The following AKR1D1 variants were observed in gnomAD, a reference collection of about 807,000 sequenced individuals.
AKR1D1 encodes delta(4)-3-ketosteroid 5-beta-reductase.
A neutral mutation model predicts 42.6 loss-of-function variants in AKR1D1; 32 were observed. That is an observed-to-expected ratio of 0.75 (90% confidence interval 0.57 to 1.01). The LOEUF (loss-of-function observed/expected upper bound fraction) is 1.01, where lower values mean the gene tolerates loss of function less well. AKR1D1 is among the 50% of genes least tolerant of loss of function. The probability of loss-of-function intolerance (pLI) is 0.00; values close to 1 mark genes in which losing one functional copy is unlikely to be tolerated. For synonymous variants in AKR1D1, 123 were observed against 135.5 expected (o/e 0.91, Z 0.64); for missense variants, 364 against 402.2 (o/e 0.91, Z 0.81).
At chr7:138,089,069 G>A (rs1451166487) in intron 2 of AKR1D1, among the ~76,000 whole-genome samples, 1 of 152,028 alleles carries the variant, frequency 6.6e-6, no homozygotes, top group African/African-American at 2.4e-5. Context: ...AATGTATTTG[G>A]CTGGGTGCGG....
At chr7:138,114,234 T>C (rs1264066169) in intron 8 of AKR1D1, among the ~76,000 whole-genome samples, 2 of 152,186 alleles carry the variant, frequency 1.3e-5, no homozygotes, top group South Asian at 2.1e-4. Flanking sequence ...TTTAGACAAA[T>C]ACTTAAGATT....
At chr7:138,116,157 G>A (rs540296246) in intron 8 of AKR1D1, among the ~76,000 whole-genome samples, 37 of 152,226 alleles carry the variant, frequency 2.4e-4, no homozygotes, top group South Asian at 8.3e-4. Context: ...TCCAACCTGA[G>A]TGACAGAGTG....
intron 4 of AKR1D1, among the ~76,000 whole-genome samples, chr7:138,101,531 T>C (rs1268558448): frequency 6.6e-6 from 1 of 152,128 alleles, no homozygotes; most frequent in Non-Finnish European, 1.5e-5. Context: ...AACATAAATC[T>C]CAATAATTCT....
At chr7:138,100,933 T>C (rs918681611) in intron 4 of AKR1D1, among the ~76,000 whole-genome samples, 4 of 152,002 alleles carry the variant, frequency 2.6e-5, no homozygotes, top group African/African-American at 7.3e-5. Context: ...CTTGATCTCC[T>C]GACCTTGTGA....
Position 138,091,655 on chromosome 7 carries a change from C to T in AKR1D1, c.262-113C>T, listed in dbSNP as rs897587188. On this transcript the variant is annotated intron_variant, in intron 2 of 8. Coordinates refer to ENST00000242375, the MANE Select transcript of AKR1D1 (RefSeq NM_005989.4). ...GACCAGCCTGGGCAACATAGTGAGA[C>T]CCCCCATCTCAAAAAAAAAAAATGT... The T allele has an allele frequency of 9.8e-6, 7 of 715,328 alleles. No homozygotes were observed. In the East Asian group the frequency reaches 1.3e-4, roughly 14 times the overall value. 44.3% of individuals were successfully genotyped at this position (715,328 alleles called of 1,614,324 possible). A position where few individuals can be genotyped will look rare whatever the true frequency, so the allele number is the denominator to read the frequency against.
chr7:138,082,534 G>T (rs1350329487), intron 1 of AKR1D1, among the ~76,000 whole-genome samples: 2 of 151,746 alleles, frequency 1.3e-5, no homozygotes, highest in Non-Finnish European at 2.9e-5. Flanking sequence ...ACCATGCCTG[G>T]ATAATTTTTT....
At chr7:138,111,498 C>T (rs913804892) in intron 7 of AKR1D1, among the ~76,000 whole-genome samples, 1 of 152,202 alleles carries the variant, frequency 6.6e-6, no homozygotes, top group African/African-American at 2.4e-5. Context: ...TCAACCACAT[C>T]TGATACAGTT....
chr7:138,091,857 C>T lies in AKR1D1; in HGVS notation c.351C>T (p.Tyr117=), dbSNP rs2117435098. The change falls in exon 3 of 9, where the codon TAC becomes TAT. Residue 117 remains tyrosine (Y), a synonymous_variant. Transcript: ENST00000242375. ...RVLQLDYVDL[Y]IIEVPMAFKP... ...TCCAGCTAGATTATGTGGATCTTTA[C>T]ATCATTGAAGTACCCATGGCCTTTA... is the stretch of plus-strand genomic sequence containing the variant. 1 of 1,613,860 alleles carries T rather than the reference C, an allele frequency of 6.2e-7. No individual in the cohort carries two copies. The highest frequency in any genetic ancestry group is 8.5e-7 in the Non-Finnish European group (1 of 1,179,768).
intron 3 of AKR1D1, among the ~76,000 whole-genome samples, chr7:138,092,332 T>A (rs1794100776): frequency 6.6e-6 from 1 of 152,190 alleles, no homozygotes; most frequent in African/African-American, 2.4e-5. Context: ...ACAGTCACAA[T>A]CTCCGCCCTC....
In AKR1D1 at chr7:138,117,796, G is replaced by C. The variant is rs1794664757; in HGVS notation, c.*1134G>C. 1 of 152,208 alleles carries C rather than the reference G, an allele frequency of 6.6e-6. No homozygotes were observed. Among genetic ancestry groups the C allele is most frequent in the African/African-American group, 2.4e-5 (1 of 41,438 alleles). The allele number at this position is 152,208 out of a possible 1,614,324, so 9.4% of individuals were successfully genotyped here. On this transcript the variant is annotated 3_prime_UTR_variant, in exon 9 of 9. Transcript: ENST00000242375. ...GCACTTTGGGAGGCCAAGGTGGGCA[G>C]ATCAGGAGGTCAGGAGATCGAGACC...
chr7:138,115,220 A>G (rs1794611637), intron 8 of AKR1D1, among the ~76,000 whole-genome samples: 1 of 152,176 alleles, frequency 6.6e-6, no homozygotes. Flanking sequence ...AGATAGGAGA[A>G]TCACTTGATG....
intron 1 of AKR1D1, among the ~76,000 whole-genome samples, chr7:138,079,520 A>T (rs1307423492): frequency 6.6e-6 from 1 of 152,232 alleles, no homozygotes; most frequent in Non-Finnish European, 1.5e-5. Flanking sequence ...AGAGGGTGGC[A>T]GCTTGTCCTC....
chr7:138,105,526 G>C, intron 5 of AKR1D1, 97 bp downstream of exon 5: 1 of 1,537,868 alleles, frequency 6.5e-7, no homozygotes, highest in Non-Finnish European at 9.0e-7. Flanking sequence ...GCTCATGATT[G>C]CTCCACCTAA....
intron 7 of AKR1D1, among the ~76,000 whole-genome samples, chr7:138,110,827 G>A (rs375342109): frequency 7.9e-5 from 12 of 151,918 alleles, no homozygotes; most frequent in African/African-American, 1.7e-4. Context: ...AAGCTAATAC[G>A]GAGCCAGGAT....
chr7:138,097,058 C>T (rs1794198239), intron 3 of AKR1D1, among the ~76,000 whole-genome samples: 2 of 152,250 alleles, frequency 1.3e-5, no homozygotes, highest in South Asian at 4.1e-4. Flanking sequence ...GAAATGGTTA[C>T]CACCAACCAC....
chr7:138,116,123 T>C (rs1199721598), intron 8 of AKR1D1, among the ~76,000 whole-genome samples: 1 of 152,026 alleles, frequency 6.6e-6, no homozygotes, highest in Non-Finnish European at 1.5e-5. Flanking sequence ...GAGGCTGCAG[T>C]GAGCTATGAT....
intron 4 of AKR1D1, among the ~76,000 whole-genome samples, chr7:138,102,740 A>T (rs1269495732): frequency 6.6e-6 from 1 of 152,262 alleles, no homozygotes; most frequent in Non-Finnish European, 1.5e-5. Context: ...TTCAACAGAA[A>T]TGCCAACGCA....
chr7:138,081,875 C>G (rs1394574146), intron 1 of AKR1D1, among the ~76,000 whole-genome samples: 1 of 152,012 alleles, frequency 6.6e-6, no homozygotes, highest in Non-Finnish European at 1.5e-5. Context: ...AGACAACAAG[C>G]CCAGCCAAGA....
chr7:138,096,170 C>T (rs1356382482), intron 3 of AKR1D1, among the ~76,000 whole-genome samples: 2 of 151,946 alleles, frequency 1.3e-5, no homozygotes, highest in African/African-American at 2.4e-5. Context: ...CATGCCACCG[C>T]ACTCCAGCCT....
Sources: allele counts gnomAD v4.1 joint callset (sites outside exome capture counted in the v4.1 genomes callset), GRCh38; gene constraint gnomAD v4.1.1; transcripts MANE v1.5; gene names NCBI Gene and HGNC (gene_info 2026-07-23, HGNC 2026-07-21).